Variants in GJA3 observed in about 807,000 individuals in gnomAD.
The protein encoded by GJA3 is gap junction alpha-3 protein.
For synonymous variants in GJA3, 297 were observed against 292.6 expected, an observed-to-expected ratio of 1.02 and a Z score of -0.15; for missense variants, 571 against 620.3, an observed-to-expected ratio of 0.92 and a Z score of 0.84.
chr13:20,149,378 G>C (rs1303998935), intron 1 of GJA3, among the ~76,000 whole-genome samples: 25 of 152,196 alleles, frequency 1.6e-4, no homozygotes, highest in Non-Finnish European at 1.0e-4. Context: ...CCAGCTACGT[G>C]GGGGGCTGTG....
At chr13:20,146,425 T>G (rs966894563) in intron 1 of GJA3, among the ~76,000 whole-genome samples, 1 of 152,188 alleles carries the variant, frequency 6.6e-6, no homozygotes, top group Non-Finnish European at 1.5e-5. Context: ...GATGATAGGA[T>G]GGGGAAGCTG....
chr13:20,145,434 T>G (rs563269435), intron 1 of GJA3, among the ~76,000 whole-genome samples: 32 of 152,286 alleles, frequency 2.1e-4, no homozygotes, highest in African/African-American at 7.5e-4. Context: ...TGTTTTACTT[T>G]AGAAACTTAA....
chr13:20,148,144 G>A (rs1220138805), intron 1 of GJA3, among the ~76,000 whole-genome samples: 5 of 152,126 alleles, frequency 3.3e-5, no homozygotes, highest in Non-Finnish European at 4.4e-5. Flanking sequence ...TCAGACCTGC[G>A]TGGAAGCCTC....
rs796595206 is a variant in GJA3 at position 20,157,875 on chromosome 13, T to C, written c.-18+3015A>G. ...ATTACTTCATCACAAATTTGAATTA[T>C]CTTTTTTTTTTTTTCTGTCACACTT... is the stretch of plus-strand genomic sequence containing the variant. On this transcript the variant is annotated intron_variant, in intron 1 of 1. Coordinates refer to ENST00000241125, the MANE Select transcript of GJA3 (RefSeq NM_021954.4). Among the ~76,000 whole-genome samples, 39 of 128,112 alleles carry C rather than the reference T, an allele frequency of 3.0e-4. 1 individual carries two copies. Among genetic ancestry groups the C allele is most frequent in the African/African-American group, 9.7e-4 (39 of 40,382 alleles). The allele number at this position is 128,112 out of a possible 152,430, so 84.0% of individuals were successfully genotyped here.
chr13:20,142,335 G>A lies in GJA3; in HGVS notation c.954C>T (p.His318=), dbSNP rs1180469697. 11 of 1,566,166 alleles carry A rather than the reference G, an allele frequency of 7.0e-6. No homozygotes were observed. The highest frequency in any genetic ancestry group is 9.5e-6 in the Non-Finnish European group (11 of 1,156,872). The change falls in exon 2 of 2, where the codon CAC becomes CAT. Residue 318 remains histidine (H), a synonymous_variant. Coordinates refer to ENST00000241125, the MANE Select transcript of GJA3 (RefSeq NM_021954.4). ...TCTGCTCAGTCATCAGCAGGTGGTG[G>A]TGGCCGTTGTAGAGCTTGGCGGACT... The part of the protein sequence containing the change: ...KGQSAKLYNG[H]HHLLMTEQNW...
intron 1 of GJA3, among the ~76,000 whole-genome samples, chr13:20,150,724 C>T (rs1199889875): frequency 2.0e-5 from 3 of 152,214 alleles, no homozygotes; most frequent in African/African-American, 7.2e-5. Context: ...CCCCTGAGGC[C>T]CCGCAGAGCC....
chr13:20,142,134 G>A lies in GJA3; in HGVS notation c.1155C>T (p.Ser385=). The A allele has an allele frequency of 1.3e-6, 2 of 1,541,182 alleles. No homozygotes were observed. The highest frequency in any genetic ancestry group is 1.4e-5 in the African/African-American group (1 of 72,860). ...CCTCCTCGGGGGTCCCTGCCAGGGC[G>A]CTCCCCTCCAGACTGCTGCCGCTCC... The part of the protein sequence containing the change: ...LDGSGSSLEG[S]ALAGTPEEEE... Residue 385 remains serine, a synonymous_variant, in exon 2 of 2, where the codon AGC becomes AGT. Coordinates refer to ENST00000241125, the MANE Select transcript of GJA3 (RefSeq NM_021954.4).
chr13:20,157,787 AG>A (rs1177663771), intron 1 of GJA3, among the ~76,000 whole-genome samples: 3 of 152,142 alleles, frequency 2.0e-5, no homozygotes, highest in African/African-American at 7.2e-5. Flanking sequence ...GACTGTCTCA[AG>A]GGGGGTATTT....
chr13:20,158,136 A>C (rs1958916445), intron 1 of GJA3, among the ~76,000 whole-genome samples: 1 of 152,186 alleles, frequency 6.6e-6, no homozygotes, highest in South Asian at 2.1e-4. Context: ...CACCACACCC[A>C]GTCAGAATTA....
chr13:20,149,579 T>C (rs1366232597), intron 1 of GJA3, among the ~76,000 whole-genome samples: 1 of 152,154 alleles, frequency 6.6e-6, no homozygotes, highest in Non-Finnish European at 1.5e-5. Flanking sequence ...GGGAGCTACA[T>C]AATATATACA....
chr13:20,147,205 G>C (rs1300681761), intron 1 of GJA3, among the ~76,000 whole-genome samples: 1 of 152,228 alleles, frequency 6.6e-6, no homozygotes, highest in Non-Finnish European at 1.5e-5. Flanking sequence ...AAGCACAGGG[G>C]ATTGGTTAAG....
intron 1 of GJA3, among the ~76,000 whole-genome samples, chr13:20,159,291 G>T (rs1958923643): frequency 6.6e-6 from 1 of 151,744 alleles, no homozygotes; most frequent in Admixed American, 6.6e-5. Context: ...GCAAAAAACA[G>T]ATCAAAATGT....
In GJA3 at chr13:20,139,785, G is replaced by C. The variant is rs909177296; in HGVS notation, c.*2196C>G. Reference sequence around the variant, plus strand: ...ATTCAATTTTAAAATGTAAAAACTAGATACAATTTGAGTTCTCATGCTCAT... The same window carrying C: ...ATTCAATTTTAAAATGTAAAAACTACATACAATTTGAGTTCTCATGCTCAT... On this transcript the variant is annotated 3_prime_UTR_variant, in exon 2 of 2. Coordinates refer to ENST00000241125, the MANE Select transcript of GJA3 (RefSeq NM_021954.4). 1 of 152,136 alleles carries C rather than the reference G, an allele frequency of 6.6e-6. No homozygotes were observed. The highest frequency in any genetic ancestry group is 2.4e-5 in the African/African-American group (1 of 41,426). The allele number at this position is 152,136 out of a possible 1,614,324, so 9.4% of individuals were successfully genotyped here. A position where few individuals can be genotyped will look rare whatever the true frequency, so the allele number is the denominator to read the frequency against.
chr13:20,149,214 C>T (rs1213848482), intron 1 of GJA3, among the ~76,000 whole-genome samples: 1 of 152,136 alleles, frequency 6.6e-6, no homozygotes, highest in Admixed American at 6.5e-5. Context: ...AAGGAATGAT[C>T]TCGGTGCAGT....
chr13:20,149,768 A>T (rs1215888973), intron 1 of GJA3, among the ~76,000 whole-genome samples: 1 of 152,252 alleles, frequency 6.6e-6, no homozygotes, highest in Non-Finnish European at 1.5e-5. Context: ...TGTGGGTTGG[A>T]AGCAGTGATT....
At chr13:20,147,844 G>A (rs910860317) in intron 1 of GJA3, among the ~76,000 whole-genome samples, 5 of 152,036 alleles carry the variant, frequency 3.3e-5, no homozygotes, top group African/African-American at 7.3e-5. Flanking sequence ...CACTTTGCAC[G>A]CTTAGCCCAA....
rs745935178 is a variant in GJA3, at chr13:20,143,055, C to T, written c.234G>A (p.Trp78Ter). Residue 78 changes from tryptophan (W) to a stop codon, truncating the protein, a stop_gained, in exon 2 of 2, where the codon TGG becomes TGA. Coordinates refer to ENST00000241125, the MANE Select transcript of GJA3 (RefSeq NM_021954.4). LOFTEE classifies it low-confidence loss of function (END_TRUNC). ...TGGACACGAAGATGATCTGCAGCGC[C>T]CAGAAGCGGATGTGGGAGATGGGGA... Reference protein sequence around the residue: ...RAFPISHIRFWALQIIFVSTP... With the variant: ...RAFPISHIRF 6.2e-6 allele frequency: 10 copies of T among 1,613,624 alleles called. No individual in the cohort carries two copies. Among genetic ancestry groups the T allele is most frequent in the Non-Finnish European group, 4.2e-6 (5 of 1,179,872 alleles).
At chr13:20,161,427 C>T (rs1409772757), upstream of GJA3, among the ~76,000 whole-genome samples, 1 of 152,154 alleles carries the variant, frequency 6.6e-6, no homozygotes, top group Non-Finnish European at 1.5e-5. Flanking sequence ...GCCCGCGCCC[C>T]GCTCGCGCCT....
chr13:20,150,372 GGTGTGTGTGTGT>G (rs71816956), intron 1 of GJA3, among the ~76,000 whole-genome samples: 6,026 of 148,072 alleles, frequency 0.041, 219 homozygotes, highest in Admixed American at 0.12. Context: ...CACTGCTCCT[GGTGTGTGTGTGT>G]GTGTGTGTGT....
Sources: gnomAD v4.1 joint callset for allele counts (sites outside exome capture counted in the v4.1 genomes callset) on GRCh38, gnomAD v4.1.1 for gene constraint, MANE v1.5 for transcripts, NCBI Gene and HGNC (gene_info 2026-07-23, HGNC 2026-07-21) for gene names.